The following TXNDC9 variants were observed in gnomAD, a reference collection of about 807,000 sequenced individuals.
TXNDC9 encodes the protein thioredoxin domain containing 9.
Under a neutral mutation model 23.0 loss-of-function variants are expected in TXNDC9, and 7 were observed. That is an observed-to-expected ratio of 0.30 (90% CI 0.17 to 0.57). The LOEUF (loss-of-function observed/expected upper bound fraction) is 0.57. Ranked by LOEUF, TXNDC9 falls within the 20% of genes least tolerant of loss-of-function variation. TXNDC9 has a pLI of 0.90. For synonymous variants in TXNDC9, 72 were observed against 90.6 expected, an observed-to-expected ratio of 0.79 and a Z score of 1.17; for missense variants, 198 against 252.6, an observed-to-expected ratio of 0.78 and a Z score of 1.47.
At chr2:99,322,308 G>A (rs1243333777) in intron 3 of TXNDC9, 99 bp from the exon 4 acceptor site, 49 of 1,461,188 alleles carry the variant, frequency 3.4e-5, no homozygotes, top group South Asian at 2.8e-5. Context: ...TAGTTTTTCT[G>A]TTGACTCTCA....
intron 3 of TXNDC9, among the ~76,000 whole-genome samples, chr2:99,324,082 G>C (rs2094208398): frequency 6.6e-6 from 1 of 152,080 alleles, no homozygotes; most frequent in African/African-American, 2.4e-5. Context: ...CTGACCTCAA[G>C]CAATCCACCT....
At chr2:99,308,982 G>T in the TXNDC9 span, among the ~76,000 whole-genome samples, 1 of 151,944 alleles carries the variant, frequency 6.6e-6, no homozygotes, top group East Asian at 1.9e-4. Context: ...GATTACAGGC[G>T]TAAGCAGCCG....
chr2:99,315,266 CGT>C (rs1302208109), downstream of TXNDC9, among the ~76,000 whole-genome samples: 1 of 151,820 alleles, frequency 6.6e-6, no homozygotes, highest in Non-Finnish European at 1.5e-5. Context: ...GGGGTTTCAC[CGT>C]GTTAGCCAGG....
the TXNDC9 span, among the ~76,000 whole-genome samples, chr2:99,313,258 CAG>C: frequency 1.3e-5 from 2 of 152,138 alleles, no homozygotes; most frequent in Non-Finnish European, 2.9e-5. Flanking sequence ...GAAATAGAGA[CAG>C]AGTCTTGCTT....
chr2:99,322,509 G>A (rs2105320364), intron 3 of TXNDC9: 7 of 1,453,704 alleles, frequency 4.8e-6, no homozygotes, highest in Non-Finnish European at 5.4e-6. Flanking sequence ...TCCTACACAG[G>A]AAACTTGAAG....
At chr2:99,306,619 AC>A in the TXNDC9 span, among the ~76,000 whole-genome samples, 7 of 152,034 alleles carry the variant, frequency 4.6e-5, no homozygotes, top group Admixed American at 3.3e-4. Context: ...CTCTCAAAGT[AC>A]TTATTGATGT....
chr2:99,323,974 T>C (rs1255297258), intron 3 of TXNDC9, among the ~76,000 whole-genome samples: 1 of 151,878 alleles, frequency 6.6e-6, no homozygotes, highest in Non-Finnish European at 1.5e-5. Context: ...GCCTCCCGAG[T>C]AGCTGGGATT....
chr2:99,330,267 G>A (rs181303386), intron 2 of TXNDC9, among the ~76,000 whole-genome samples: 5 of 102,472 alleles, frequency 4.9e-5, no homozygotes, highest in African/African-American at 1.9e-4. Flanking sequence ...TCCAGCCGGG[G>A]CAACAGAGCA....
downstream of TXNDC9, among the ~76,000 whole-genome samples, chr2:99,318,535 G>A (rs762776926): frequency 2.6e-5 from 4 of 152,274 alleles, no homozygotes; most frequent in Non-Finnish European, 5.9e-5. Flanking sequence ...CTGCTCCAGA[G>A]CTACGGGTGG....
intron 1 of TXNDC9, among the ~76,000 whole-genome samples, chr2:99,333,509 G>A (rs1455366145): frequency 6.6e-6 from 1 of 152,146 alleles, no homozygotes; most frequent in East Asian, 1.9e-4. Flanking sequence ...CTAAAGCCAA[G>A]ACAAGTCTTT....
Position 99,333,179 on chromosome 2 carries a change from G to C in TXNDC9, c.32C>G (p.Ser11Cys). 4.3e-6 allele frequency: 7 copies of C among 1,614,138 alleles called. No homozygotes were observed. The highest frequency in any genetic ancestry group is 5.9e-6 in the Non-Finnish European group (7 of 1,180,002). The stretch of plus-strand genomic sequence containing the variant: ...AAGCAGCTGATGCTCCAGGACTTTG[G>C]AAAACATGTCAACAGATGCATCAGC... MEADASVDMF[S>C]KVLEHQLLQT... is the part of the protein sequence containing the mutation. Residue 11 changes from serine to cysteine, a missense_variant, in exon 2 of 5, where the codon TCC (serine) becomes TGC (cysteine). Physicochemically the swap from Ser to Cys is moderately radical, Grantham distance 112 (BLOSUM62 -1). Transcript: ENST00000264255.
intron 3 of TXNDC9, among the ~76,000 whole-genome samples, chr2:99,323,711 A>G (rs2094207460): frequency 6.6e-6 from 1 of 152,204 alleles, no homozygotes; most frequent in Admixed American, 6.5e-5. Context: ...ACTCCAGGCT[A>G]GGCGACAGAG....
In TXNDC9 at chr2:99,333,156, G is replaced by C. The variant is rs770423505; in HGVS notation, c.55C>G (p.Leu19Val). 1.7e-5 allele frequency: 27 copies of C among 1,614,046 alleles called. No individual in the cohort carries two copies. Among genetic ancestry groups the C allele is most frequent in the Non-Finnish European group, 2.3e-5 (27 of 1,180,024 alleles). The change falls in exon 2 of 5, where the codon CTT (leucine) becomes GTT (valine). Residue 19 changes from leucine to valine, a missense_variant. Physicochemically the swap from Leu to Val is conservative, Grantham distance 32. Transcript: ENST00000264255. ...TCTTCCACCAGTTTGGTAGTCTGAA[G>C]CAGCTGATGCTCCAGGACTTTGGAA... ...MFSKVLEHQL[L>V]QTTKLVEEHL...
At chr2:99,318,537 T>C (rs570316286), downstream of TXNDC9, among the ~76,000 whole-genome samples, 1 of 152,232 alleles carries the variant, frequency 6.6e-6, no homozygotes, top group Non-Finnish European at 1.5e-5. Flanking sequence ...GCTCCAGAGC[T>C]ACGGGTGGGG....
chr2:99,329,444 G>T (rs1387282884), intron 2 of TXNDC9, among the ~76,000 whole-genome samples: 1 of 152,220 alleles, frequency 6.6e-6, no homozygotes, highest in Non-Finnish European at 1.5e-5. Flanking sequence ...AAAGAGCCAG[G>T]AGGGCCATCT....
At chr2:99,316,820 A>G (rs374440788), downstream of TXNDC9, among the ~76,000 whole-genome samples, 200 of 152,080 alleles carry the variant, frequency 1.3e-3, no homozygotes, top group African/African-American at 2.9e-3. Context: ...GCAGTGGCGC[A>G]ATCTCGGCTC....
chr2:99,330,470 T>G (rs2094222246), intron 2 of TXNDC9, among the ~76,000 whole-genome samples: 1 of 152,046 alleles, frequency 6.6e-6, no homozygotes, highest in African/African-American at 2.4e-5. Flanking sequence ...TACACCCCTG[T>G]GCTCTTAGCA....
intron 3 of TXNDC9, 39 bp downstream of exon 3, chr2:99,327,496 T>C: frequency 2.8e-6 from 4 of 1,414,380 alleles, no homozygotes; most frequent in South Asian, 1.2e-5. Flanking sequence ...CAATTCACTG[T>C]GTTTTTTTAG....
At chr2:99,318,365 G>A (rs191323947), downstream of TXNDC9, among the ~76,000 whole-genome samples, 164 of 152,056 alleles carry the variant, frequency 1.1e-3, 1 homozygote, top group Admixed American at 6.9e-3. Context: ...TAGTAGAGAC[G>A]GGGTTTCACC....
Sources: gnomAD v4.1 joint callset for allele counts (sites outside exome capture counted in the v4.1 genomes callset) on GRCh38, gnomAD v4.1.1 for gene constraint, MANE v1.5 for transcripts, NCBI Gene and HGNC (gene_info 2026-07-23, HGNC 2026-07-21) for gene names.